The following RFC1 variants were observed in gnomAD, a reference collection of about 807,000 sequenced individuals.
RFC1 encodes the protein A1 140 kDa subunit.
A neutral mutation model predicts 137.4 loss-of-function variants in RFC1; 37 were observed. The observed-to-expected ratio is 0.27, with a 90% CI of 0.21 to 0.35. The LOEUF (loss-of-function observed/expected upper bound fraction) is 0.35. RFC1 is among the 10% of genes least tolerant of loss of function. RFC1 has a pLI of 1.00. For missense variants in RFC1, 1,205 were observed against 1,358.5 expected, an observed-to-expected ratio of 0.89 and a Z score of 1.78; for synonymous variants, 429 against 455.7, an observed-to-expected ratio of 0.94 and a Z score of 0.75.
At chr4:39,290,106 A>G in intron 23 of RFC1, 67 bp from the exon 24 acceptor site, 1 of 1,180,982 alleles carries the variant, frequency 8.5e-7, no homozygotes, top group South Asian at 1.5e-5. Context: ...AAACTCTGTA[A>G]GCCTAAAGAG....
intron 6 of RFC1, among the ~76,000 whole-genome samples, chr4:39,325,094 C>T (rs556963811): frequency 3.9e-4 from 59 of 152,242 alleles, no homozygotes; most frequent in African/African-American, 1.3e-3. Flanking sequence ...ATCCTGAGAC[C>T]TTTCTTTCTT....
intron 4 of RFC1, among the ~76,000 whole-genome samples, chr4:39,330,336 CA>C (rs1740035030): frequency 6.6e-6 from 1 of 152,090 alleles, no homozygotes; most frequent in Non-Finnish European, 1.5e-5. Context: ...ATAAATTTTG[CA>C]ACACTTCACT....
intron 22 of RFC1, among the ~76,000 whole-genome samples, chr4:39,293,933 T>C (rs2839765): frequency 0.51 from 78,091 of 151,986 alleles, 21,795 homozygotes; most frequent in African/African-American, 0.75. Flanking sequence ...GCCACCTGCA[T>C]GTCTTGGCTG....
chr4:39,288,712 C>G lies in RFC1; in HGVS notation c.*49G>C. 1 of 1,176,036 alleles carries G rather than the reference C, an allele frequency of 8.5e-7. No individual in the cohort carries two copies. The highest frequency in any genetic ancestry group is 1.3e-6 in the Non-Finnish European group (1 of 791,834). 72.9% of individuals were successfully genotyped at this position (1,176,036 alleles called of 1,614,324 possible). ...CAAGGCTTTCTCTAGACCAGCTGGA[C>G]TGGTCAGGAGGGAGAGTAAAAAGTG... On this transcript the variant is annotated 3_prime_UTR_variant, in exon 25 of 25. Transcript: ENST00000349703.
intron 1 of RFC1, 78 bp from the exon 2 acceptor site, chr4:39,351,554 CT>C: frequency 1.6e-6 from 2 of 1,268,724 alleles, no homozygotes; most frequent in Non-Finnish European, 2.1e-6. Flanking sequence ...GATGGGACAG[CT>C]TTATGTACAC....
At chr4:39,340,653 TA>T (rs1740566797) in intron 4 of RFC1, among the ~76,000 whole-genome samples, 1 of 152,210 alleles carries the variant, frequency 6.6e-6, no homozygotes, top group African/African-American at 2.4e-5. Flanking sequence ...TTTGTGATTT[TA>T]TTATGCCAAT....
intron 4 of RFC1, among the ~76,000 whole-genome samples, chr4:39,340,170 T>C (rs1045939165): frequency 6.6e-6 from 1 of 152,178 alleles, no homozygotes; most frequent in Admixed American, 6.5e-5. Flanking sequence ...TTTTAAACAG[T>C]ATACATGCTA....
At position 39,287,658 on chromosome 4, in the gene RFC1, G is replaced by C. The variant is rs778385960; in HGVS notation, c.*1103C>G. On this transcript the variant is annotated 3_prime_UTR_variant, in exon 25 of 25. Coordinates refer to ENST00000349703, the MANE Select transcript of RFC1 (RefSeq NM_002913.5). ...TCACAGAGGTAGCACAGACCTCTGA[G>C]CATTTACCAACAAGATTAAAAAATA... 4 of 152,156 alleles carry C rather than the reference G, an allele frequency of 2.6e-5. No individual in the cohort carries two copies. Among genetic ancestry groups the C allele is most frequent in the African/African-American group, 9.7e-5 (4 of 41,410 alleles). 9.4% of individuals were successfully genotyped at this position (152,156 alleles called of 1,614,324 possible).
Position 39,327,524 on chromosome 4 carries a change from C to A in RFC1, c.564G>T (p.Glu188Asp). The A allele has an allele frequency of 6.2e-7, 1 of 1,601,666 alleles. No individual in the cohort carries two copies. Among genetic ancestry groups the A allele is most frequent in the South Asian group, 1.1e-5 (1 of 89,264 alleles). Reference sequence around the variant, plus strand: ...ACTTGCTTATATGTAGAACACTTACCTCTTTTCTTTTGCTTGCCACCATCT... The same window carrying A: ...ACTTGCTTATATGTAGAACACTTACATCTTTTCTTTTGCTTGCCACCATCT... ...NKKMVASKRKELSQNTDESGL... is the reference protein window; with the variant it reads ...NKKMVASKRKDLSQNTDESGL... The change falls in exon 5 of 25, where the codon GAG becomes GAT. Residue 188 changes from glutamate to aspartate, a missense_variant and splice_region_variant. Physicochemically the swap from Glu to Asp is conservative, Grantham distance 45. Transcript: ENST00000349703.
chr4:39,352,015 A>G (rs1431003136), intron 1 of RFC1, among the ~76,000 whole-genome samples: 1 of 152,100 alleles, frequency 6.6e-6, no homozygotes. Context: ...AGTAATATAA[A>G]TTCTCAGAAT....
At chr4:39,344,881 T>C (rs1184184397) in intron 3 of RFC1, among the ~76,000 whole-genome samples, 2 of 152,338 alleles carry the variant, frequency 1.3e-5, no homozygotes, top group Admixed American at 6.5e-5. Flanking sequence ...GAATCTTTAA[T>C]ACAAACATAT....
intron 1 of RFC1, among the ~76,000 whole-genome samples, chr4:39,353,429 A>G (rs1228962977): frequency 1.3e-5 from 2 of 151,666 alleles, no homozygotes; most frequent in Non-Finnish European, 2.9e-5. Flanking sequence ...AATTAAAAAA[A>G]AAGATTAAAG....
chr4:39,292,701 G>A (rs1459280128), intron 22 of RFC1, among the ~76,000 whole-genome samples: 1 of 151,466 alleles, frequency 6.6e-6, no homozygotes, highest in Non-Finnish European at 1.5e-5. Flanking sequence ...GTGTGCAGTG[G>A]TGCAGTCTTG....
chr4:39,358,639 G>A (rs1741599024), intron 1 of RFC1, among the ~76,000 whole-genome samples: 1 of 152,154 alleles, frequency 6.6e-6, no homozygotes, highest in Non-Finnish European at 1.5e-5. Flanking sequence ...AAGCCAAAAT[G>A]TGTGCCAAGG....
In RFC1 at chr4:39,351,403, T is replaced by C. The variant is rs1277443149; in HGVS notation, c.77A>G (p.Lys26Arg). 4 of 1,575,224 alleles carry C rather than the reference T, an allele frequency of 2.5e-6. No homozygotes were observed. The highest frequency in any genetic ancestry group is 2.6e-6 in the Non-Finnish European group (3 of 1,165,206). Reference protein sequence around the residue: ...LVSETVKKNEKTKSDEETLKA... With the variant: ...LVSETVKKNERTKSDEETLKA... The stretch of plus-strand genomic sequence containing the variant: ...TAAAGTTTCTTCATCAGACTTTGTT[T>C]TCTCATTCTTCTTTACTGTTTCACT... The change falls in exon 2 of 25, where the codon AAA becomes AGA. Residue 26 changes from lysine to arginine, a missense_variant. Physicochemically the swap from Lys to Arg is conservative, Grantham distance 26. Transcript: ENST00000349703.
At position 39,327,276 on chromosome 4, in the gene RFC1, G is replaced by A. The variant is rs17288104; in HGVS notation, c.564+248C>T. Reference sequence around the variant, plus strand: ...CATTCTGAGAACTCAATTTAAATTCGAATAATTATCATTTTTTCTTATGGC... The same window carrying A: ...CATTCTGAGAACTCAATTTAAATTCAAATAATTATCATTTTTTCTTATGGC... On this transcript the variant is annotated intron_variant, in intron 5 of 24. Transcript: ENST00000349703. Among the ~76,000 whole-genome samples the A allele has an allele frequency of 5.0e-3, 760 of 152,166 alleles. 1 individual carries two copies. The highest frequency in any genetic ancestry group is 0.017 in the African/African-American group (723 of 41,510).
At chr4:39,305,802 TAAAG>T (rs1194280731) in intron 14 of RFC1, among the ~76,000 whole-genome samples, 3 of 152,146 alleles carry the variant, frequency 2.0e-5, no homozygotes, top group East Asian at 3.9e-4. Flanking sequence ...ATGATAATAA[TAAAG>T]AGAGAAAAAG....
Position 39,289,945 on chromosome 4 carries a change from G to C in RFC1, c.3263C>G (p.Pro1088Arg). The C allele has an allele frequency of 1.2e-6, 2 of 1,612,822 alleles. No homozygotes were observed. ...TTCATTGTATTCCGAATCCAGGGAT[G>C]GGCTTGTGCTGTGTCTAGATGCCTT... ...AIKASRHSTS[P>R]SLDSEYNEEL... Residue 1088 changes from proline to arginine, a missense_variant, in exon 24 of 25, where the codon CCA (proline) becomes CGA (arginine). Physicochemically the swap from Pro to Arg is moderately radical, Grantham distance 103. Coordinates refer to ENST00000349703, the MANE Select transcript of RFC1 (RefSeq NM_002913.5).
At chr4:39,347,917 G>A (rs1740938511) in intron 2 of RFC1, among the ~76,000 whole-genome samples, 1 of 152,184 alleles carries the variant, frequency 6.6e-6, no homozygotes, top group South Asian at 2.1e-4. Flanking sequence ...GTGTCCTAGT[G>A]CTTTGTGAAA....
Sources: allele counts gnomAD v4.1 joint callset (sites outside exome capture counted in the v4.1 genomes callset), GRCh38; gene constraint gnomAD v4.1.1; transcripts MANE v1.5; gene names NCBI Gene and HGNC (gene_info 2026-07-23, HGNC 2026-07-21).